DNAH11: variants seen among roughly 807,000 people sequenced by gnomAD.
DNAH11 encodes the protein dynein axonemal heavy chain 11.
Under a neutral mutation model 526.0 loss-of-function variants are expected in DNAH11, and 442 were observed. The ratio of observed to expected loss-of-function variants is 0.84; its 90% CI spans 0.78 to 0.91. The LOEUF (loss-of-function observed/expected upper bound fraction) is 0.91, where lower values mean the gene tolerates loss of function less well. DNAH11 is among the 40% of genes least tolerant of loss of function. The probability of loss-of-function intolerance (pLI) is 0.00; values close to 1 mark genes in which losing one functional copy is unlikely to be tolerated. For synonymous variants in DNAH11, 2,461 were observed against 1,935.9 expected (o/e 1.27, Z -7.12); for missense variants, 6,989 against 5,448.7 (o/e 1.28, Z -8.90).
intron 73 of DNAH11, 54 bp from the exon 74 acceptor site, chr7:21,873,220 A>C: frequency 7.3e-7 from 1 of 1,375,642 alleles, no homozygotes; most frequent in Non-Finnish European, 1.0e-6. Flanking sequence ...TAATCTTATA[A>C]TTCAAGTAAT....
At position 21,760,976 on chromosome 7, in the gene DNAH11, A is replaced by G. The variant is rs377318350; in HGVS notation, c.8941-4452A>G. Reference sequence around the variant, plus strand: ...TTTTATTTCTTATAAGCCCTTTGCTATATTAAGCTTTCATTAAATTATGGG... The same window carrying G: ...TTTTATTTCTTATAAGCCCTTTGCTGTATTAAGCTTTCATTAAATTATGGG... On this transcript the variant is annotated intron_variant, in intron 54 of 81. Coordinates refer to ENST00000409508, the MANE Select transcript of DNAH11 (RefSeq NM_001277115.2). 9.2e-5 allele frequency among the ~76,000 whole-genome samples: 14 copies of G among 152,328 alleles called. No individual in the cohort carries two copies. The East Asian group carries it at 2.1e-3, about 23-fold the overall frequency.
intron 30 of DNAH11, among the ~76,000 whole-genome samples, chr7:21,676,307 C>G (rs1463961584): frequency 1.3e-5 from 2 of 152,106 alleles, no homozygotes; most frequent in Admixed American, 6.5e-5. Context: ...AACACTGTTG[C>G]GATCAGTGGC....
chr7:21,694,938 C>G (rs1184317905), intron 35 of DNAH11, among the ~76,000 whole-genome samples: 2 of 152,194 alleles, frequency 1.3e-5, no homozygotes, highest in African/African-American at 2.4e-5. Flanking sequence ...ATTTCCATTT[C>G]TCTAATGACC....
chr7:21,726,470 T>A (rs111243534), intron 45 of DNAH11, among the ~76,000 whole-genome samples: 1 of 93,004 alleles, frequency 1.1e-5, no homozygotes, highest in South Asian at 4.7e-4. Context: ...AAAAAAAAAG[T>A]CTTTTTTTTT....
At chr7:21,808,524 C>G (rs1162447457) in intron 63 of DNAH11, among the ~76,000 whole-genome samples, 1 of 152,198 alleles carries the variant, frequency 6.6e-6, no homozygotes, top group Non-Finnish European at 1.5e-5. Context: ...ACCAACTTCT[C>G]TGCATCCCCT....
intron 36 of DNAH11, among the ~76,000 whole-genome samples, chr7:21,699,552 C>T (rs868534052): frequency 1.3e-5 from 2 of 152,076 alleles, no homozygotes; most frequent in African/African-American, 4.8e-5. Context: ...ATTGTTAGGG[C>T]AAAATATGGA....
rs17145107 is a variant in DNAH11, at chr7:21,715,245, A to G, written c.6984-2530A>G. Among the ~76,000 whole-genome samples the G allele has an allele frequency of 3.4e-4, 52 of 152,226 alleles. 1 individual carries two copies. The highest frequency in any genetic ancestry group is 2.5e-4 in the Non-Finnish European group (17 of 68,038). ...CCAACCCCAGAGGCCTGAGTAATAA[A>G]TAAAAAGTTTTCAGAGGTCTGAGAA... On this transcript the variant is annotated intron_variant, in intron 42 of 81. Transcript: ENST00000409508.
intron 28 of DNAH11, among the ~76,000 whole-genome samples, chr7:21,651,863 G>C (rs1228915926): frequency 6.6e-6 from 1 of 152,236 alleles, no homozygotes; most frequent in African/African-American, 2.4e-5. Context: ...TAACAGATGT[G>C]CATCATCATC....
chr7:21,620,432 G>A (rs941089722), intron 25 of DNAH11, among the ~76,000 whole-genome samples: 35 of 151,742 alleles, frequency 2.3e-4, no homozygotes, highest in African/African-American at 8.5e-4. Context: ...CTGTTTCTAT[G>A]AGTTCAACTT....
intron 35 of DNAH11, among the ~76,000 whole-genome samples, chr7:21,692,952 G>A (rs778262500): frequency 1.3e-5 from 2 of 152,016 alleles, no homozygotes; most frequent in African/African-American, 2.4e-5. Context: ...CATACTTATT[G>A]TCTATTGCTA....
At chr7:21,590,854 CTT>C (rs1276488087) in intron 12 of DNAH11, 62 bp from the exon 13 acceptor site, 1 of 1,002,774 alleles carries the variant, frequency 1.0e-6, no homozygotes, top group East Asian at 3.2e-5. Flanking sequence ...TCAAGTTAAA[CTT>C]GAGTTAAAAT....
At chr7:21,771,445 A>G (rs1318831607) in intron 55 of DNAH11, among the ~76,000 whole-genome samples, 2 of 152,182 alleles carry the variant, frequency 1.3e-5, no homozygotes, top group Non-Finnish European at 1.5e-5. Flanking sequence ...CTGCCCGAGA[A>G]CTGTCACACC....
intron 77 of DNAH11, among the ~76,000 whole-genome samples, chr7:21,893,622 A>T (rs1284659264): frequency 6.6e-6 from 1 of 152,228 alleles, no homozygotes; most frequent in African/African-American, 2.4e-5. Flanking sequence ...TCTCCTTTCT[A>T]GATATTGACT....
chr7:21,713,833 A>T (rs1784549331), intron 42 of DNAH11, among the ~76,000 whole-genome samples: 1 of 152,144 alleles, frequency 6.6e-6, no homozygotes, highest in Non-Finnish European at 1.5e-5. Context: ...GTTTTGGGGA[A>T]GGAGTGATTT....
intron 2 of DNAH11, among the ~76,000 whole-genome samples, chr7:21,555,645 A>G (rs993054011): frequency 2.6e-5 from 4 of 152,332 alleles, no homozygotes; most frequent in Admixed American, 2.0e-4. Flanking sequence ...CCACCAAGGC[A>G]GTACCTATAG....
At chr7:21,599,743 A>C (rs778773015) in intron 14 of DNAH11, 44 bp from the exon 15 acceptor site, 12 of 1,359,172 alleles carry the variant, frequency 8.8e-6, no homozygotes, top group Non-Finnish European at 1.2e-5. Context: ...TTTTTATGCT[A>C]ATTATTTGTT....
chr7:21,557,334 G>T (rs868434912), intron 2 of DNAH11, among the ~76,000 whole-genome samples: 8 of 152,094 alleles, frequency 5.3e-5, no homozygotes, highest in African/African-American at 2.4e-5. Context: ...ACTCTGTTCA[G>T]GTTGCTATCA....
intron 63 of DNAH11, among the ~76,000 whole-genome samples, chr7:21,812,506 GA>G (rs34549797): frequency 1.0e-4 from 6 of 58,916 alleles, no homozygotes; most frequent in Non-Finnish European, 1.9e-4. Flanking sequence ...CTATCTATAT[GA>G]AAAAAAAATT....
intron 57 of DNAH11, among the ~76,000 whole-genome samples, chr7:21,784,133 T>G (rs575992956): frequency 2.1e-4 from 32 of 152,372 alleles, no homozygotes; most frequent in Non-Finnish European, 3.5e-4. Flanking sequence ...CACTTAATCT[T>G]GCTTTTACTA....
Sources: allele counts gnomAD v4.1 joint callset (sites outside exome capture counted in the v4.1 genomes callset), GRCh38; gene constraint gnomAD v4.1.1; transcripts MANE v1.5; gene names NCBI Gene and HGNC (gene_info 2026-07-23, HGNC 2026-07-21).